ACSL3: variants seen among roughly 807,000 people sequenced by gnomAD.
ACSL3 encodes the protein acyl-CoA synthetase long chain family member 3, also known as fatty acid CoA ligase Acsl3.
Under a neutral mutation model 84.7 loss-of-function variants are expected in ACSL3, and 34 were observed. The observed-to-expected ratio is 0.40, with a 90% confidence interval of 0.31 to 0.53. The LOEUF (loss-of-function observed/expected upper bound fraction) is 0.53. Among genes scored for constraint, ACSL3 ranks in the 20% least tolerant of loss-of-function variants. The pLI is 0.48. For synonymous variants in ACSL3, 315 were observed against 299.4 expected, an observed-to-expected ratio of 1.05 and a Z score of -0.54; for missense variants, 680 against 873.1, an observed-to-expected ratio of 0.78 and a Z score of 2.79.
intron 16 of ACSL3, among the ~76,000 whole-genome samples, chr2:222,935,815 T>G (rs1197569296): frequency 1.3e-5 from 2 of 152,228 alleles, no homozygotes; most frequent in Non-Finnish European, 2.9e-5. Flanking sequence ...CTTAACATTT[T>G]AAGTGTACAA....
intron 1 of ACSL3, among the ~76,000 whole-genome samples, chr2:222,879,224 A>G (rs1695531994): frequency 6.6e-6 from 1 of 152,216 alleles, no homozygotes; most frequent in Non-Finnish European, 1.5e-5. Flanking sequence ...AGGCTGAGGC[A>G]GGAGAATTGC....
At chr2:222,908,654 C>A in intron 3 of ACSL3, 79 bp from the exon 4 acceptor site, 1 of 997,744 alleles carries the variant, frequency 1.0e-6, no homozygotes, top group Non-Finnish European at 1.5e-6. Context: ...AAAAAAAAAT[C>A]TTCATTTGCC....
At position 222,941,841 on chromosome 2, in the gene ACSL3, C is replaced by T. The variant is rs1697320370; in HGVS notation, c.*187C>T. On this transcript the variant is annotated 3_prime_UTR_variant, in exon 17 of 17. Coordinates refer to ENST00000357430, the MANE Select transcript of ACSL3 (RefSeq NM_004457.5). ...GACAGCAAACTTGTGTCTGTCTCTTCTTTCATTTTCCCCGCCACCAACTTA... is the reference window on the plus strand; with the variant it reads ...GACAGCAAACTTGTGTCTGTCTCTTTTTTCATTTTCCCCGCCACCAACTTA... The T allele has an allele frequency of 1.7e-6, 1 of 572,656 alleles. No homozygotes were observed. Among genetic ancestry groups the T allele is most frequent in the Non-Finnish European group, 2.8e-6 (1 of 359,216 alleles). 35.5% of individuals were successfully genotyped at this position (572,656 alleles called of 1,614,324 possible).
At chr2:222,910,172 A>G (rs375646072) in intron 4 of ACSL3, among the ~76,000 whole-genome samples, 7 of 152,370 alleles carry the variant, frequency 4.6e-5, no homozygotes, top group East Asian at 1.9e-4. Context: ...AGAAAATTCA[A>G]TGAGGAAAAT....
intron 1 of ACSL3, among the ~76,000 whole-genome samples, chr2:222,875,308 G>A (rs1413963396): frequency 6.6e-6 from 1 of 152,006 alleles, no homozygotes; most frequent in Non-Finnish European, 1.5e-5. Flanking sequence ...ATTGGGGACG[G>A]AAGGAATGGG....
chr2:222,865,258 T>C (rs776105214), intron 1 of ACSL3, among the ~76,000 whole-genome samples: 2 of 152,220 alleles, frequency 1.3e-5, no homozygotes, highest in African/African-American at 4.8e-5. Context: ...TATTTACGTA[T>C]TTTTGATGTT....
intron 2 of ACSL3, 55 bp from the exon 3 acceptor site, chr2:222,900,619 C>A (rs549129606): frequency 1.3e-5 from 2 of 152,246 alleles, no homozygotes; most frequent in African/African-American, 4.8e-5. Flanking sequence ...AGATCATTTT[C>A]TCTCCTTGTA....
At chr2:222,939,016 G>GT (rs151107751) in intron 16 of ACSL3, among the ~76,000 whole-genome samples, 6,206 of 150,908 alleles carry the variant, frequency 0.041, 198 homozygotes, top group Middle Eastern at 0.1. Flanking sequence ...TTGTTTTCTT[G>GT]TTTTTTTTCA....
intron 2 of ACSL3, among the ~76,000 whole-genome samples, chr2:222,892,310 A>G (rs571342746): frequency 2.0e-5 from 3 of 152,306 alleles, no homozygotes; most frequent in Admixed American, 2.0e-4. Flanking sequence ...TAGTAAGTAA[A>G]TGTTTTAAAA....
rs1374657618 is a variant in ACSL3, at chr2:222,897,919, AGAGGGG to A, written c.-147-2727_-147-2722del. Reference sequence around the variant, plus strand: ...CATCAGAGGGAGACCGTGGAGAGGGAGAGGGGGAGGGGGAGGGGGAGGGGGAGGGGG... The same window carrying A: ...CATCAGAGGGAGACCGTGGAGAGGGAGAGGGGGAGGGGGAGGGGGAGGGGG... On this transcript the variant is annotated intron_variant, in intron 2 of 16. Transcript: ENST00000357430. Among the ~76,000 whole-genome samples the A allele has an allele frequency of 2.4e-4, 26 of 109,682 alleles. 8 individuals carry two copies. The highest frequency in any genetic ancestry group is 5.9e-4 in the African/African-American group (20 of 33,956). 72.0% of individuals were successfully genotyped at this position (109,682 alleles called of 152,430 possible).
At chr2:222,876,512 C>A (rs758634841) in intron 1 of ACSL3, among the ~76,000 whole-genome samples, 5 of 151,742 alleles carry the variant, frequency 3.3e-5, no homozygotes, top group Non-Finnish European at 5.9e-5. Context: ...TTTTTGTAGA[C>A]ACTAGATCTA....
Position 222,930,635 on chromosome 2 carries a change from A to G in ACSL3, c.1555A>G (p.Thr519Ala). ...TATTTTATTAGGTGGATACTTTAAT[A>G]CTGATAAGCCACACCCCAGGGGTGA... ...KNWEEGGYFN[T>A]DKPHPRGEIL... The change falls in exon 14 of 17, where the codon ACT becomes GCT. Residue 519 changes from threonine to alanine, a missense_variant. Physicochemically the swap from Thr to Ala is moderately conservative, Grantham distance 58 (BLOSUM62 0). Coordinates refer to ENST00000357430, the MANE Select transcript of ACSL3 (RefSeq NM_004457.5). The G allele has an allele frequency of 6.2e-7, 1 of 1,610,890 alleles. No individual in the cohort carries two copies. Among genetic ancestry groups the G allele is most frequent in the South Asian group, 1.1e-5 (1 of 90,854 alleles).
intron 4 of ACSL3, among the ~76,000 whole-genome samples, chr2:222,915,540 A>C (rs1283025395): frequency 6.7e-6 from 1 of 149,958 alleles, no homozygotes; most frequent in Non-Finnish European, 1.5e-5. Flanking sequence ...GTCCGTATGT[A>C]ATTAGGGATT....
Position 222,922,800 on chromosome 2 carries a change from G to A in ACSL3, c.1049G>A (p.Gly350Asp). The change falls in exon 9 of 17, where the codon GGT (glycine) becomes GAT (aspartate). Residue 350 changes from glycine (G) to aspartate (D), a missense_variant. Gly to Asp is a moderately conservative substitution (Grantham distance 94). Around this residue, in one of 2 missense-constraint regions of ACSL3, gnomAD observed 347 missense variants for 525.7 expected, o/e 0.66. Coordinates refer to ENST00000357430, the MANE Select transcript of ACSL3 (RefSeq NM_004457.5). ...TGTCTTTCTCACGGATGCCGCATTG[G>A]TTACTCTTCACCACAGACTTTAGCA... The part of the protein sequence containing the change: ...LVCLSHGCRI[G>D]YSSPQTLADQ... The A allele has an allele frequency of 6.2e-7, 1 of 1,614,136 alleles. No homozygotes were observed. The highest frequency in any genetic ancestry group is 8.5e-7 in the Non-Finnish European group (1 of 1,179,994).
At chr2:222,928,997 G>A in intron 13 of ACSL3, 61 bp downstream of exon 13, 1 of 1,392,416 alleles carries the variant, frequency 7.2e-7, no homozygotes, top group Non-Finnish European at 1.0e-6. Context: ...GAAAATTAGT[G>A]CTTCACTTTC....
At chr2:222,892,555 A>C (rs1318774737) in intron 2 of ACSL3, among the ~76,000 whole-genome samples, 1 of 152,152 alleles carries the variant, frequency 6.6e-6, no homozygotes, top group African/African-American at 2.4e-5. Flanking sequence ...TTCATAATAC[A>C]TGATTTGCGT....
At chr2:222,941,010 T>A (rs1334001193) in intron 16 of ACSL3, among the ~76,000 whole-genome samples, 1 of 152,144 alleles carries the variant, frequency 6.6e-6, no homozygotes, top group Non-Finnish European at 1.5e-5. Flanking sequence ...CAAGTCATCC[T>A]CCCACCTCAG....
intron 1 of ACSL3, among the ~76,000 whole-genome samples, chr2:222,886,716 T>C (rs1695732236): frequency 6.6e-6 from 1 of 152,256 alleles, no homozygotes; most frequent in Non-Finnish European, 1.5e-5. Context: ...CTTTATAGTA[T>C]ACTTTTTGAG....
chr2:222,932,246 A>G (rs1489912227), intron 14 of ACSL3, among the ~76,000 whole-genome samples: 1 of 152,216 alleles, frequency 6.6e-6, no homozygotes, highest in Non-Finnish European at 1.5e-5. Flanking sequence ...GCCTGGTACT[A>G]ATGGATACCA....
Sources: allele counts gnomAD v4.1 joint callset (sites outside exome capture counted in the v4.1 genomes callset), GRCh38; gene constraint gnomAD v4.1.1; regional missense constraint gnomAD v4.1.1; transcripts MANE v1.5; gene names NCBI Gene and HGNC (gene_info 2026-07-23, HGNC 2026-07-21).